PTPN9: variants seen among roughly 807,000 people sequenced by gnomAD.
PTPN9 encodes tyrosine-protein phosphatase non-receptor type 9.
PTPN9 carries 26 observed loss-of-function variants against 69.8 expected under a neutral mutation model. The ratio of observed to expected loss-of-function variants is 0.37; its 90% confidence interval spans 0.27 to 0.52. PTPN9 has a LOEUF of 0.52. PTPN9 is among the 20% of genes least tolerant of loss of function. PTPN9 has a pLI of 0.91. For missense variants in PTPN9, 549 were observed against 740.3 expected, an observed-to-expected ratio of 0.74 and a Z score of 3.00; for synonymous variants, 274 against 272.5, an observed-to-expected ratio of 1.01 and a Z score of -0.05.
chr15:75,530,402 CATATTATATTATTAT>C (rs1267326316), intron 1 of PTPN9, among the ~76,000 whole-genome samples: 50 of 112,356 alleles, frequency 4.5e-4, no homozygotes, highest in Non-Finnish European at 5.8e-4. Flanking sequence ...ATATATATTA[CATATTATATTATTAT>C]ATATTATATT....
chr15:75,568,381 G>A lies in PTPN9; in HGVS notation c.63+10333C>T, dbSNP rs923912880. 5.9e-5 allele frequency among the ~76,000 whole-genome samples: 9 copies of A among 151,514 alleles called. No homozygotes were observed. In the Admixed American group the frequency reaches 5.9e-4, roughly 10 times the overall value. On this transcript the variant is annotated intron_variant, in intron 1 of 12. Coordinates refer to ENST00000618819, the MANE Select transcript of PTPN9 (RefSeq NM_002833.4). ...TGGGCATGGTGGTGTGGTGGTGCAC[G>A]CTTTTAGTCCCAGCTTCTTGGGAGG...
In PTPN9 at chr15:75,531,168, C is replaced by A. The variant is rs576734229; in HGVS notation, c.64-3907G>T. 2.1e-3 allele frequency among the ~76,000 whole-genome samples: 320 copies of A among 151,598 alleles called. 2 individuals carry two copies. The highest frequency in any genetic ancestry group is 7.2e-3 in the African/African-American group (298 of 41,332). ...GGAAAGGACAAAAGTACTTTATAAA[C>A]CCCAGGAAAGTCTAAACGGCCTGAG... On this transcript the variant is annotated intron_variant, in intron 1 of 12. Transcript: ENST00000618819.
At chr15:75,559,023 CTGCCAGGT>C (rs2075090805) in intron 1 of PTPN9, among the ~76,000 whole-genome samples, 1 of 151,808 alleles carries the variant, frequency 6.6e-6, no homozygotes, top group Admixed American at 6.6e-5. Flanking sequence ...CTCTGCCCGG[CTGCCAGGT>C]CTGGGAAGTG....
chr15:75,566,222 C>A (rs1341493521), intron 1 of PTPN9, among the ~76,000 whole-genome samples: 1 of 151,662 alleles, frequency 6.6e-6, no homozygotes, highest in Non-Finnish European at 1.5e-5. Context: ...AGGGTCATCA[C>A]CATCACATCC....
chr15:75,538,735 C>T (rs1357332625), intron 1 of PTPN9, among the ~76,000 whole-genome samples: 1 of 151,624 alleles, frequency 6.6e-6, no homozygotes, highest in Non-Finnish European at 1.5e-5. Flanking sequence ...AGAAACCACA[C>T]AGTGTATATC....
At position 75,523,200 on chromosome 15, in the gene PTPN9, T is replaced by G; in HGVS notation, c.343A>C (p.Arg115=). The G allele has an allele frequency of 1.2e-6, 2 of 1,614,102 alleles. No homozygotes were observed. Among genetic ancestry groups the G allele is most frequent in the South Asian group, 1.1e-5 (1 of 91,082 alleles). The change falls in exon 4 of 13, where the codon AGG becomes CGG. Residue 115 remains arginine (R), a synonymous_variant. Transcript: ENST00000618819. ...TGASIALFTA[R]LHHPHKSVQH... ...ACTGACTTGTGGGGATGATGCAACC[T>G]GGCAGTAAAGAGGGCAATGGAGGCT... is the stretch of plus-strand genomic sequence containing the variant.
At chr15:75,491,739 T>C (rs1297340520) in intron 7 of PTPN9, among the ~76,000 whole-genome samples, 1 of 136,364 alleles carries the variant, frequency 7.3e-6, no homozygotes. Flanking sequence ...AAAATCCATT[T>C]TGATGAGGTC....
intron 1 of PTPN9, among the ~76,000 whole-genome samples, chr15:75,533,738 G>A (rs1408680291): frequency 6.6e-6 from 1 of 152,108 alleles, no homozygotes; most frequent in Non-Finnish European, 1.5e-5. Flanking sequence ...GGTACACCCT[G>A]GACACAATTC....
chr15:75,534,691 G>T (rs1295466242), intron 1 of PTPN9, among the ~76,000 whole-genome samples: 1 of 135,656 alleles, frequency 7.4e-6, no homozygotes, highest in African/African-American at 2.6e-5. Context: ...AAAAAAAAAA[G>T]GCCAGGTGCA....
Position 75,468,908 on chromosome 15 carries a change from G to T in PTPN9, c.1643C>A (p.Ser548Ter). 6.2e-7 allele frequency: 1 copy of T among 1,614,206 alleles called. No individual in the cohort carries two copies. Among genetic ancestry groups the T allele is most frequent in the African/African-American group, 1.3e-5 (1 of 75,058 alleles). ...LGTLNVFQTV[S>*]RMRTQRAFSI... The stretch of plus-strand genomic sequence containing the variant: ...GAAGGCCCTCTGGGTCCTCATGCGT[G>T]ACACCGTCTGGAACACATTAAGGGT... Residue 548 changes from serine (S) to a stop codon, truncating the protein, a stop_gained, in exon 13 of 13, where the codon TCA becomes TAA. Coordinates refer to ENST00000618819, the MANE Select transcript of PTPN9 (RefSeq NM_002833.4). LOFTEE classifies it high-confidence loss of function.
At chr15:75,504,734 G>A (rs1283257185) in intron 7 of PTPN9, among the ~76,000 whole-genome samples, 9 of 131,018 alleles carry the variant, frequency 6.9e-5, no homozygotes, top group African/African-American at 1.2e-4. Context: ...GCCTCTGCCC[G>A]GCCGCCCCTA....
chr15:75,525,469 C>T (rs2074923361), intron 2 of PTPN9, among the ~76,000 whole-genome samples: 1 of 150,964 alleles, frequency 6.6e-6, no homozygotes, highest in Non-Finnish European at 1.5e-5. Context: ...GCTGGGATTA[C>T]AGGCATGAGC....
intron 1 of PTPN9, among the ~76,000 whole-genome samples, chr15:75,543,368 C>T (rs974868785): frequency 2.0e-5 from 3 of 152,098 alleles, no homozygotes; most frequent in South Asian, 2.1e-4. Context: ...TATTATTAAC[C>T]GCATAAAGAA....
At chr15:75,576,807 CA>C (rs2075175919) in intron 1 of PTPN9, among the ~76,000 whole-genome samples, 2 of 149,568 alleles carry the variant, frequency 1.3e-5, no homozygotes, top group African/African-American at 2.5e-5. Flanking sequence ...GGCTCTGTCT[CA>C]AAAAAACAAA....
At chr15:75,513,859 G>C (rs1408792548) in intron 5 of PTPN9, among the ~76,000 whole-genome samples, 2 of 151,814 alleles carry the variant, frequency 1.3e-5, no homozygotes, top group Non-Finnish European at 2.9e-5. Context: ...AGCACTCTGG[G>C]AAGCCAAGGC....
chr15:75,557,957 G>C (rs775285770), intron 1 of PTPN9, among the ~76,000 whole-genome samples: 35 of 152,112 alleles, frequency 2.3e-4, no homozygotes, highest in Non-Finnish European at 4.7e-4. Context: ...CACTTTGGGA[G>C]GCCAAGGTGG....
chr15:75,515,288 C>A (rs1356986487), intron 5 of PTPN9, among the ~76,000 whole-genome samples: 1 of 151,642 alleles, frequency 6.6e-6, no homozygotes. Context: ...ATTAGCCGGG[C>A]GTGGTGGTGG....
chr15:75,530,132 T>G (rs1391527810), intron 1 of PTPN9, among the ~76,000 whole-genome samples: 1 of 122,542 alleles, frequency 8.2e-6, no homozygotes, highest in African/African-American at 3.2e-5. Context: ...AACCAGGAGG[T>G]GGGGTTGTAG....
At chr15:75,536,917 GTGCCTGGCACAAAGCACTTAC>G (rs2074984551) in intron 1 of PTPN9, among the ~76,000 whole-genome samples, 1 of 152,176 alleles carries the variant, frequency 6.6e-6, no homozygotes, top group Admixed American at 6.5e-5. Flanking sequence ...TCCTAGCACT[GTGCCTGGCACAAAGCACTTAC>G]TTAATAAATA....
Sources: gnomAD v4.1 joint callset for allele counts (sites outside exome capture counted in the v4.1 genomes callset) on GRCh38, gnomAD v4.1.1 for gene constraint, MANE v1.5 for transcripts, NCBI Gene and HGNC (gene_info 2026-07-23, HGNC 2026-07-21) for gene names.